The following HSF5 variants were observed in gnomAD, a reference collection of about 807,000 sequenced individuals.
HSF5 encodes the protein heat shock transcription factor 5.
In HSF5, 5 loss-of-function variants were observed where a neutral mutation model predicts 50.8. That is an observed-to-expected ratio of 0.10 (90% CI 0.05 to 0.21). The LOEUF is 0.21. HSF5 is among the 10% of genes least tolerant of loss of function. HSF5 has a pLI of 1.00. For synonymous variants in HSF5, 307 were observed against 307.4 expected (o/e 1.00, Z 0.02); for missense variants, 564 against 762.6 (o/e 0.74, Z 3.07).
chr17:58,439,319 C>T (rs957980519), intron 5 of HSF5, among the ~76,000 whole-genome samples: 5 of 148,118 alleles, frequency 3.4e-5, no homozygotes, highest in East Asian at 3.9e-4. Flanking sequence ...CCAGAAAGAA[C>T]GTAGAGGAAA....
intron 5 of HSF5, among the ~76,000 whole-genome samples, chr17:58,449,241 C>T (rs1022898472): frequency 6.6e-6 from 1 of 152,074 alleles, no homozygotes; most frequent in Non-Finnish European, 1.5e-5. Flanking sequence ...TACAAAACAA[C>T]CAGAAGAACT....
chr17:58,431,987 T>C (rs781356698), intron 5 of HSF5, among the ~76,000 whole-genome samples: 9 of 152,186 alleles, frequency 5.9e-5, no homozygotes, highest in Non-Finnish European at 1.0e-4. Flanking sequence ...TTTTGCAAGA[T>C]GAAAAGAGTT....
At chr17:58,438,459 G>A (rs951426008) in intron 5 of HSF5, among the ~76,000 whole-genome samples, 1 of 152,080 alleles carries the variant, frequency 6.6e-6, no homozygotes, top group African/African-American at 2.4e-5. Context: ...TGTGCTACTG[G>A]CTTTGCAGTC....
At chr17:58,456,164 TATACACACACACAC>T (rs1974710712) in intron 5 of HSF5, among the ~76,000 whole-genome samples, 1 of 130,514 alleles carries the variant, frequency 7.7e-6, no homozygotes, top group Non-Finnish European at 1.7e-5. Context: ...TGTGTGTGTA[TATACACACACACAC>T]ACACACACAC....
intron 5 of HSF5, among the ~76,000 whole-genome samples, chr17:58,435,479 G>A (rs1273138912): frequency 2.6e-5 from 4 of 152,016 alleles, no homozygotes; most frequent in Admixed American, 1.3e-4. Context: ...CCCAGGAGGC[G>A]GAGGTTGCAG....
intron 5 of HSF5, among the ~76,000 whole-genome samples, chr17:58,449,574 C>A (rs904047204): frequency 6.6e-6 from 1 of 151,762 alleles, no homozygotes; most frequent in Non-Finnish European, 1.5e-5. Context: ...GTGGCAGACA[C>A]CTGTAATCCC....
intron 1 of HSF5, among the ~76,000 whole-genome samples, chr17:58,481,744 A>T (rs1471817807): frequency 1.3e-5 from 2 of 152,254 alleles, no homozygotes; most frequent in African/African-American, 4.8e-5. Flanking sequence ...TCATGCCTGT[A>T]ATCCCAGCAC....
intron 5 of HSF5, among the ~76,000 whole-genome samples, chr17:58,439,794 A>C (rs1487392186): frequency 6.6e-6 from 1 of 152,214 alleles, no homozygotes; most frequent in Non-Finnish European, 1.5e-5. Flanking sequence ...GGAAATTATA[A>C]ATTTAGTAGC....
intron 3 of HSF5, among the ~76,000 whole-genome samples, 170 bp downstream of exon 3, chr17:58,466,715 T>C (rs529685980): frequency 6.6e-6 from 1 of 152,212 alleles, no homozygotes; most frequent in South Asian, 2.1e-4. Flanking sequence ...TCTGAGATAT[T>C]ATTTATATCA....
rs530201736 is a variant in HSF5, at chr17:58,424,781, G to C, written c.1721-2351C>G. ...AGTGTGGGTGACAGAGCAAAACCCTGTCTCAAAACAAACAAACAAACAAAC... is the reference window on the plus strand; with the variant it reads ...AGTGTGGGTGACAGAGCAAAACCCTCTCTCAAAACAAACAAACAAACAAAC... On this transcript the variant is annotated intron_variant, in intron 5 of 5. Coordinates refer to ENST00000323777, the MANE Select transcript of HSF5 (RefSeq NM_001080439.3). Among the ~76,000 whole-genome samples, 11 of 152,214 alleles carry C rather than the reference G, an allele frequency of 7.2e-5. No individual in the cohort carries two copies. In the South Asian group the frequency reaches 2.3e-3, roughly 32 times the overall value.
chr17:58,468,049 C>A (rs1009890139), intron 2 of HSF5, among the ~76,000 whole-genome samples: 3 of 152,118 alleles, frequency 2.0e-5, no homozygotes, highest in Middle Eastern at 3.2e-3. Context: ...CCAAAAGTCA[C>A]AAAGCTGGAA....
chr17:58,470,837 A>C (rs997860477), intron 2 of HSF5, among the ~76,000 whole-genome samples: 1 of 152,134 alleles, frequency 6.6e-6, no homozygotes, highest in African/African-American at 2.4e-5. Context: ...GAGGCAGGAG[A>C]ATCACTTGAA....
intron 2 of HSF5, among the ~76,000 whole-genome samples, chr17:58,479,308 T>C (rs1319789047): frequency 6.6e-6 from 1 of 152,082 alleles, no homozygotes; most frequent in East Asian, 1.9e-4. Flanking sequence ...CTAAGGTTTT[T>C]TGCTTTTTGT....
At chr17:58,446,146 A>G (rs1366514510) in intron 5 of HSF5, among the ~76,000 whole-genome samples, 1 of 151,854 alleles carries the variant, frequency 6.6e-6, no homozygotes, top group Non-Finnish European at 1.5e-5. Context: ...TCAAAAAAAA[A>G]AAAAAAAAAA....
At chr17:58,450,345 A>C (rs1974621530) in intron 5 of HSF5, among the ~76,000 whole-genome samples, 1 of 150,058 alleles carries the variant, frequency 6.7e-6, no homozygotes, top group Admixed American at 6.7e-5. Flanking sequence ...TCTCAAAAAA[A>C]AAAAAAAAAA....
chr17:58,424,303 T>C (rs1460398376), intron 5 of HSF5, among the ~76,000 whole-genome samples: 1 of 152,156 alleles, frequency 6.6e-6, no homozygotes, highest in African/African-American at 2.4e-5. Context: ...AACGGAATGT[T>C]ATTTAGCCTT....
At chr17:58,434,855 G>C (rs1415604280) in intron 5 of HSF5, among the ~76,000 whole-genome samples, 1 of 152,094 alleles carries the variant, frequency 6.6e-6, no homozygotes, top group Admixed American at 6.6e-5. Context: ...TCTGCCTTAG[G>C]GGGAAAGCAA....
chr17:58,471,947 G>A (rs549042312), intron 2 of HSF5, among the ~76,000 whole-genome samples: 213 of 152,118 alleles, frequency 1.4e-3, no homozygotes, highest in Non-Finnish European at 2.1e-3. Context: ...TCGGCCTCCC[G>A]GGTTCAAGTG....
At chr17:58,437,229 C>T (rs1224155424) in intron 5 of HSF5, among the ~76,000 whole-genome samples, 1 of 152,110 alleles carries the variant, frequency 6.6e-6, no homozygotes, top group Admixed American at 6.5e-5. Context: ...CCTAGAAAGT[C>T]TCAGAAATCT....
Sources: allele counts gnomAD v4.1 joint callset (sites outside exome capture counted in the v4.1 genomes callset), GRCh38; gene constraint gnomAD v4.1.1; transcripts MANE v1.5; gene names NCBI Gene and HGNC (gene_info 2026-07-23, HGNC 2026-07-21).